The following GRIA1 variants were observed in gnomAD, a reference collection of about 807,000 sequenced individuals.
GRIA1 encodes the protein glutamate ionotropic receptor AMPA type subunit 1, also known as glutamate receptor 1.
A neutral mutation model predicts 99.2 loss-of-function variants in GRIA1; 31 were observed. The observed-to-expected ratio is 0.31, with a 90% confidence interval of 0.23 to 0.42. The LOEUF (loss-of-function observed/expected upper bound fraction) is 0.42, where lower values mean the gene tolerates loss of function less well. GRIA1 is among the 10% of genes least tolerant of loss of function. The pLI, the probability that GRIA1 is intolerant of heterozygous loss-of-function variation, is 1.00. For synonymous variants in GRIA1, 438 were observed against 432.4 expected (o/e 1.01, Z -0.16); for missense variants, 782 against 1,157.5 (o/e 0.68, Z 4.71).
At chr5:153,599,099 G>C (rs1011697729) in intron 2 of GRIA1, among the ~76,000 whole-genome samples, 1 of 152,094 alleles carries the variant, frequency 6.6e-6, no homozygotes, top group Non-Finnish European at 1.5e-5. Flanking sequence ...AGCCAGGATG[G>C]TCTCGATCTC....
intron 10 of GRIA1, among the ~76,000 whole-genome samples, chr5:153,699,710 C>T (rs937541117): frequency 3.3e-5 from 5 of 152,210 alleles, no homozygotes; most frequent in African/African-American, 1.2e-4. Flanking sequence ...GTTTACCCTG[C>T]CTTATATAAC....
At chr5:153,742,784 A>G (rs1761899193) in intron 11 of GRIA1, among the ~76,000 whole-genome samples, 1 of 152,182 alleles carries the variant, frequency 6.6e-6, no homozygotes, top group African/African-American at 2.4e-5. Flanking sequence ...TTACTCCTTG[A>G]GCAACTCTTC....
intron 11 of GRIA1, among the ~76,000 whole-genome samples, chr5:153,712,770 A>G (rs1702347352): frequency 1.3e-5 from 2 of 152,230 alleles, no homozygotes; most frequent in South Asian, 2.1e-4. Context: ...TGAGCAGGAA[A>G]TGTGCGATAG....
rs1177228491 is a variant in GRIA1, at chr5:153,647,008, T to G, written c.301T>G (p.Cys101Gly). The G allele has an allele frequency of 6.2e-7, 1 of 1,613,980 alleles. No individual in the cohort carries two copies. Residue 101 changes from cysteine to glycine, a missense_variant, in exon 3 of 16, where the codon TGT becomes GGT. Around this residue, in one of 5 missense-constraint regions of GRIA1, gnomAD observed 461 missense variants for 521.7 expected, o/e 0.88. Coordinates refer to ENST00000285900, the MANE Select transcript of GRIA1 (RefSeq NM_000827.4). Reference protein sequence around the residue: ...RRTVNMLTSFCGALHVCFITP... With the variant: ...RRTVNMLTSFGGALHVCFITP... The stretch of plus-strand genomic sequence containing the variant: ...GACTGTCAACATGCTGACCTCCTTT[T>G]GTGGGGCCCTCCACGTCTGCTTCAT...
Position 153,770,688 on chromosome 5 carries a change from A to G in GRIA1, c.2270+273A>G, listed in dbSNP as rs150406736. ...CCTCCTCCAAGTGCGTGAAACATCA[A>G]TGAACCTTGTGCTTTTGTCGTGTGA... On this transcript the variant is annotated intron_variant, in intron 13 of 15. Coordinates refer to ENST00000285900, the MANE Select transcript of GRIA1 (RefSeq NM_000827.4). Among the ~76,000 whole-genome samples, 140 of 152,256 alleles carry G rather than the reference A, an allele frequency of 9.2e-4. 2 individuals carry two copies. In the East Asian group the frequency reaches 0.025, roughly 27 times the overall value.
intron 13 of GRIA1, among the ~76,000 whole-genome samples, chr5:153,780,635 A>G (rs1301507406): frequency 1.3e-5 from 2 of 152,162 alleles, no homozygotes; most frequent in African/African-American, 4.8e-5. Flanking sequence ...TTGAAGCTTA[A>G]TTTTCTCATC....
intron 13 of GRIA1, among the ~76,000 whole-genome samples, chr5:153,794,037 T>C (rs1181247962): frequency 6.6e-6 from 1 of 152,234 alleles, no homozygotes; most frequent in Admixed American, 6.5e-5. Context: ...TCTGACTCTG[T>C]CCTCTTCTAC....
chr5:153,576,951 T>C (rs1581255278), intron 2 of GRIA1, among the ~76,000 whole-genome samples: 1 of 144,372 alleles, frequency 6.9e-6, no homozygotes, highest in East Asian at 3.1e-4. Context: ...GATGGATGGA[T>C]GGATGGATGG....
Position 153,725,519 on chromosome 5 carries a change from C to T in GRIA1, c.1823+19452C>T, listed in dbSNP as rs1331104928. On this transcript the variant is annotated intron_variant, in intron 11 of 15. Coordinates refer to ENST00000285900, the MANE Select transcript of GRIA1 (RefSeq NM_000827.4). ...AACCCATCTCACGTGCAGAGACACACATAGGCTCAAAATAAAAGGATGGAG... is the reference window on the plus strand; with the variant it reads ...AACCCATCTCACGTGCAGAGACACATATAGGCTCAAAATAAAAGGATGGAG... 1.8e-5 allele frequency among the ~76,000 whole-genome samples: 2 copies of T among 112,016 alleles called. 1 individual carries two copies. Among genetic ancestry groups the T allele is most frequent in the Admixed American group, 1.9e-4 (2 of 10,624 alleles). The allele number at this position is 112,016 out of a possible 152,430, so 73.5% of individuals were successfully genotyped here.
intron 7 of GRIA1, among the ~76,000 whole-genome samples, chr5:153,682,580 G>A (rs1025107411): frequency 7.2e-5 from 11 of 152,052 alleles, no homozygotes; most frequent in Middle Eastern, 6.8e-3. Flanking sequence ...GATCATCCTC[G>A]TCCATCTTCA....
At chr5:153,600,258 G>A (rs1233420931) in intron 2 of GRIA1, among the ~76,000 whole-genome samples, 6 of 151,918 alleles carry the variant, frequency 3.9e-5, no homozygotes, top group Non-Finnish European at 5.9e-5. Context: ...TGGGCGTGGT[G>A]GCGGGCGCCT....
intron 2 of GRIA1, among the ~76,000 whole-genome samples, chr5:153,521,605 G>C (rs567912695): frequency 1.7e-4 from 26 of 152,282 alleles, no homozygotes; most frequent in African/African-American, 5.3e-4. Context: ...GAGCCTTTTG[G>C]GAGTGGCTCA....
chr5:153,707,374 A>C (rs1405914399), intron 11 of GRIA1, among the ~76,000 whole-genome samples: 1 of 152,226 alleles, frequency 6.6e-6, no homozygotes, highest in Non-Finnish European at 1.5e-5. Flanking sequence ...ATCTAGACCA[A>C]GTCCACATTT....
At chr5:153,799,759 C>A (rs72804629) in intron 14 of GRIA1, among the ~76,000 whole-genome samples, 2 of 151,966 alleles carry the variant, frequency 1.3e-5, no homozygotes, top group South Asian at 2.1e-4. Flanking sequence ...TGTATCCCCC[C>A]TCACACACAT....
intron 2 of GRIA1, among the ~76,000 whole-genome samples, chr5:153,637,830 A>G (rs1349737327): frequency 6.6e-6 from 1 of 152,216 alleles, no homozygotes; most frequent in Non-Finnish European, 1.5e-5. Context: ...AACCTAATTT[A>G]GAGGAATATG....
At chr5:153,726,243 G>T (rs1178954356) in intron 11 of GRIA1, among the ~76,000 whole-genome samples, 9 of 149,506 alleles carry the variant, frequency 6.0e-5, no homozygotes, top group African/African-American at 2.2e-4. Context: ...TCAAAGCAGT[G>T]TGTAGAGGGA....
chr5:153,625,602 T>C (rs549059524), intron 2 of GRIA1, among the ~76,000 whole-genome samples: 18 of 152,238 alleles, frequency 1.2e-4, no homozygotes, highest in Non-Finnish European at 2.2e-4. Flanking sequence ...GAGCAGACTA[T>C]GTTGTATGCT....
At chr5:153,574,691 G>A (rs1762388051) in intron 2 of GRIA1, among the ~76,000 whole-genome samples, 1 of 152,092 alleles carries the variant, frequency 6.6e-6, no homozygotes, top group Non-Finnish European at 1.5e-5. Context: ...GTAAGCAGCT[G>A]TAGTAAATAA....
chr5:153,580,668 T>C (rs1013804742), intron 2 of GRIA1, among the ~76,000 whole-genome samples: 1 of 152,174 alleles, frequency 6.6e-6, no homozygotes, highest in Non-Finnish European at 1.5e-5. Context: ...AGATGCAGGA[T>C]GTTCATCTCA....
Sources: allele counts gnomAD v4.1 joint callset (sites outside exome capture counted in the v4.1 genomes callset), GRCh38; gene constraint gnomAD v4.1.1; regional missense constraint gnomAD v4.1.1; transcripts MANE v1.5; gene names NCBI Gene and HGNC (gene_info 2026-07-23, HGNC 2026-07-21).